Variants in AXIN1 observed in about 807,000 individuals in gnomAD.
AXIN1 encodes the protein axin 1.
Under a neutral mutation model 76.4 loss-of-function variants are expected in AXIN1, and 30 were observed. The ratio of observed to expected loss-of-function variants is 0.39; its 90% confidence interval spans 0.29 to 0.53. The LOEUF is 0.53. AXIN1 is among the 20% of genes least tolerant of loss of function. AXIN1 has a pLI of 0.66. For synonymous variants in AXIN1, 545 were observed against 501.4 expected, an observed-to-expected ratio of 1.09 and a Z score of -1.16; for missense variants, 1,140 against 1,198.8, an observed-to-expected ratio of 0.95 and a Z score of 0.72.
At chr16:296,400 C>A (rs2052712990) in intron 7 of AXIN1, among the ~76,000 whole-genome samples, 1 of 152,240 alleles carries the variant, frequency 6.6e-6, no homozygotes, top group Non-Finnish European at 1.5e-5. Context: ...TCCCAGCTGA[C>A]CTGCCTCTGA....
At chr16:289,715 T>C (rs1194370233) in intron 9 of AXIN1, 108 bp from the exon 10 acceptor site, 1 of 1,421,254 alleles carries the variant, frequency 7.0e-7, no homozygotes, top group Non-Finnish European at 9.6e-7. Flanking sequence ...CCTGCAGGGG[T>C]GAGCAGCACC....
chr16:306,661 C>G (rs1418401632), intron 4 of AXIN1, among the ~76,000 whole-genome samples: 16 of 152,372 alleles, frequency 1.1e-4, no homozygotes, highest in South Asian at 1.0e-3. Flanking sequence ...AGACGAGGCT[C>G]AGAGAGAGGC....
At chr16:319,548 T>A (rs1234106638) in intron 2 of AXIN1, among the ~76,000 whole-genome samples, 1 of 152,130 alleles carries the variant, frequency 6.6e-6, no homozygotes, top group African/African-American at 2.4e-5. Context: ...AGGCGGCCAG[T>A]GCACTCTAGG....
At chr16:296,653 C>T (rs986759266) in intron 7 of AXIN1, among the ~76,000 whole-genome samples, 7 of 152,218 alleles carry the variant, frequency 4.6e-5, no homozygotes, top group East Asian at 1.9e-4. Flanking sequence ...CTCAGCAGGA[C>T]GGCCAGGTGT....
intron 10 of AXIN1, 130 bp downstream of exon 10, chr16:289,310 C>T: frequency 8.1e-7 from 1 of 1,228,420 alleles, no homozygotes; most frequent in South Asian, 1.3e-5. Context: ...AGGCAATCCG[C>T]CCACCTCAGC....
In AXIN1 at chr16:346,726, G is replaced by A. The variant is rs1057438129; in HGVS notation, c.300C>T (p.Ser100=). The change falls in exon 2 of 11, where the codon AGC becomes AGT. Residue 100 remains serine, a synonymous_variant. Coordinates refer to ENST00000262320, the MANE Select transcript of AXIN1 (RefSeq NM_003502.4). ...HSLLDDQDGI[S]LFRTFLKQEG... ...CCTGCTTCAGGAAAGTCCTGAACAG[G>A]CTTATCCCATCTTGGTCATCCAGCA... 9 of 1,592,660 alleles carry A rather than the reference G, an allele frequency of 5.7e-6. No individual in the cohort carries two copies. Among genetic ancestry groups the A allele is most frequent in the Non-Finnish European group, 7.7e-6 (9 of 1,167,238 alleles).
At chr16:326,043 C>T (rs1174313587) in intron 2 of AXIN1, among the ~76,000 whole-genome samples, 2 of 152,022 alleles carry the variant, frequency 1.3e-5, no homozygotes, top group African/African-American at 2.4e-5. Context: ...CATGCAGATG[C>T]TGTCACTTAT....
At position 288,182 on chromosome 16, in the gene AXIN1, G is replaced by A. The variant is rs775437317; in HGVS notation, c.2529C>T (p.Asp843=). The change falls in exon 11 of 11, where the codon GAC becomes GAT. Residue 843 remains aspartate, a synonymous_variant. Transcript: ENST00000262320. ...CCTCAAAGACGGGCAGGACGGCCTC[G>A]TCCTCTCGAACCTCCTCAAACACCA... The part of the protein sequence containing the change: ...CGVVFEEVRE[D]EAVLPVFEEK... 56 of 1,613,584 alleles carry A rather than the reference G, an allele frequency of 3.5e-5. No homozygotes were observed. Among genetic ancestry groups the A allele is most frequent in the Middle Eastern group, 3.3e-4 (2 of 6,084 alleles).
At chr16:311,635 G>T (rs1421390437) in intron 3 of AXIN1, among the ~76,000 whole-genome samples, 1 of 152,050 alleles carries the variant, frequency 6.6e-6, no homozygotes, top group Admixed American at 6.5e-5. Context: ...GCCAGGTGTG[G>T]TGGCGAGTGC....
rs181444052 is a variant in AXIN1, at chr16:332,621, C to T, written c.878+13527G>A. Among the ~76,000 whole-genome samples the T allele has an allele frequency of 1.3e-3, 179 of 137,882 alleles. 1 individual carries two copies. The highest frequency in any genetic ancestry group is 1.9e-3 in the Admixed American group (26 of 13,752). The allele number at this position is 137,882 out of a possible 152,430, so 90.5% of individuals were successfully genotyped here. The stretch of plus-strand genomic sequence containing the variant: ...AAAAAAATTACACTTAACATCTTAA[C>T]ATCTCCAGAAAGATTTTGATCTAAA... On this transcript the variant is annotated intron_variant, in intron 2 of 10. Transcript: ENST00000262320.
At chr16:350,394 G>A (rs1567310898) in intron 1 of AXIN1, among the ~76,000 whole-genome samples, 1 of 152,188 alleles carries the variant, frequency 6.6e-6, no homozygotes. Flanking sequence ...ACAGCCTGTA[G>A]CTACCATCAA....
intron 2 of AXIN1, among the ~76,000 whole-genome samples, chr16:322,755 G>A (rs990794934): frequency 2.0e-5 from 3 of 152,214 alleles, no homozygotes; most frequent in South Asian, 2.1e-4. Context: ...AGCTGTGGGC[G>A]GTGGACGGAT....
Position 352,249 on chromosome 16 carries a change from C to A in AXIN1, c.-82+120G>T, listed in dbSNP as rs923835874. Reference sequence around the variant, plus strand: ...GCCCAGGGACACCCCGGCCCCAGCTCCCCGCGCGCCCACCCCCTCGGTCCC... The same window carrying A: ...GCCCAGGGACACCCCGGCCCCAGCTACCCGCGCGCCCACCCCCTCGGTCCC... On this transcript the variant is annotated intron_variant, in intron 1 of 10. Coordinates refer to ENST00000262320, the MANE Select transcript of AXIN1 (RefSeq NM_003502.4). 13 of 585,062 alleles carry A rather than the reference C, an allele frequency of 2.2e-5. No individual in the cohort carries two copies. In the African/African-American group the frequency reaches 2.6e-4, roughly 12 times the overall value. The allele number at this position is 585,062 out of a possible 1,614,324, so 36.2% of individuals were successfully genotyped here.
chr16:306,764 GAA>G (rs1333240680), intron 4 of AXIN1, among the ~76,000 whole-genome samples: 3 of 152,238 alleles, frequency 2.0e-5, no homozygotes, highest in African/African-American at 7.2e-5. Flanking sequence ...TCAGAGCTGG[GAA>G]AAGTCACTGC....
intron 2 of AXIN1, among the ~76,000 whole-genome samples, chr16:336,032 C>T (rs757739760): frequency 6.6e-6 from 1 of 152,090 alleles, no homozygotes; most frequent in Non-Finnish European, 1.5e-5. Context: ...GTCAGGAGTT[C>T]GAGACCAGCC....
chr16:344,890 G>A (rs2054003338), intron 2 of AXIN1, among the ~76,000 whole-genome samples: 2 of 152,186 alleles, frequency 1.3e-5, no homozygotes, highest in African/African-American at 4.8e-5. Context: ...GTCACAGTAA[G>A]CTTGAAGAAC....
chr16:323,776 CCACA>C (rs10673343), intron 2 of AXIN1, among the ~76,000 whole-genome samples: 193 of 148,382 alleles, frequency 1.3e-3, no homozygotes, highest in Non-Finnish European at 1.1e-3. Context: ...TGAGACTCCA[CCACA>C]CACACACACA....
At chr16:294,483 A>AAT in intron 7 of AXIN1, among the ~76,000 whole-genome samples, 1 of 145,450 alleles carries the variant, frequency 6.9e-6, no homozygotes, top group Non-Finnish European at 1.5e-5. Context: ...AAAAAAAAAA[A>AAT]ATGGCCAGGC....
In AXIN1 at chr16:346,788, G is replaced by T; in HGVS notation, c.238C>A (p.Pro80Thr). 1.2e-6 allele frequency: 2 copies of T among 1,612,080 alleles called. No homozygotes were observed. Among genetic ancestry groups the T allele is most frequent in the Non-Finnish European group, 1.7e-6 (2 of 1,178,408 alleles). ...YEPEGSASPT[P>T]PYLKWAESLH... ...GACTCAGCCCACTTCAAGTATGGTGGGGTGGGGGAGGCACTGCCCTCAGGC... is the reference window on the plus strand; with the variant it reads ...GACTCAGCCCACTTCAAGTATGGTGTGGTGGGGGAGGCACTGCCCTCAGGC... Residue 80 changes from proline to threonine, a missense_variant, in exon 2 of 11, where the codon CCA becomes ACA. Pro to Thr is a conservative substitution (Grantham distance 38). Around this residue, in one of 3 missense-constraint regions of AXIN1, gnomAD observed 708 missense variants for 776.9 expected, o/e 0.91. Coordinates refer to ENST00000262320, the MANE Select transcript of AXIN1 (RefSeq NM_003502.4).
Sources: allele counts gnomAD v4.1 joint callset (sites outside exome capture counted in the v4.1 genomes callset), GRCh38; gene constraint gnomAD v4.1.1; regional missense constraint gnomAD v4.1.1; transcripts MANE v1.5; gene names NCBI Gene and HGNC (gene_info 2026-07-23, HGNC 2026-07-21).